ESRRG: variants seen among roughly 807,000 people sequenced by gnomAD.
ESRRG encodes the protein estrogen related receptor gamma, also known as estrogen-related receptor gamma.
A neutral mutation model predicts 44.0 loss-of-function variants in ESRRG; 13 were observed. That is an observed-to-expected ratio of 0.30 (90% CI 0.19 to 0.47). The LOEUF is 0.47. ESRRG is among the 20% of genes least tolerant of loss of function. ESRRG has a pLI of 1.00. For synonymous variants in ESRRG, 215 were observed against 214.6 expected (o/e 1.00, Z -0.02); for missense variants, 395 against 580.6 (o/e 0.68, Z 3.29).
chr1:216,725,805 G>T (rs951892567), upstream of ESRRG, among the ~76,000 whole-genome samples: 3 of 152,102 alleles, frequency 2.0e-5, no homozygotes, highest in African/African-American at 4.8e-5. Flanking sequence ...CTCAAAGAAT[G>T]CATTCCGATT....
At chr1:216,609,036 CTCTACAA>C (rs1424499848) in intron 3 of ESRRG, among the ~76,000 whole-genome samples, 1 of 152,148 alleles carries the variant, frequency 6.6e-6, no homozygotes, top group Non-Finnish European at 1.5e-5. Flanking sequence ...CTCTTTTGTA[CTCTACAA>C]TCTCCAATGA....
chr1:217,107,868 C>T (rs2092616884), intron 1 of ESRRG, among the ~76,000 whole-genome samples: 1 of 151,998 alleles, frequency 6.6e-6, no homozygotes, highest in Non-Finnish European at 1.5e-5. Context: ...AAAATACAAC[C>T]TTTTCCTTTG....
rs529943912 is a variant in ESRRG, at chr1:217,075,128, G to A, written c.-106+14379C>T. 4.6e-5 allele frequency among the ~76,000 whole-genome samples: 7 copies of A among 152,212 alleles called. No individual in the cohort carries two copies. The South Asian group carries it at 1.2e-3, about 27-fold the overall frequency. ...GCCCACAAACACTGTAGTTTTGATC[G>A]GTGTTAGGTTGTAAAAAAATCTACC... On this transcript the variant is annotated intron_variant, in intron 1 of 7. Coordinates refer to the ESRRG transcript ENST00000359162.
At chr1:216,950,449 A>G (rs2066768324) in intron 1 of ESRRG, among the ~76,000 whole-genome samples, 1 of 152,186 alleles carries the variant, frequency 6.6e-6, no homozygotes, top group Non-Finnish European at 1.5e-5. Context: ...AGTAAAGGAG[A>G]GTGTATCTGG....
intron 1 of ESRRG, among the ~76,000 whole-genome samples, chr1:217,134,084 G>A (rs1165249662): frequency 6.6e-6 from 1 of 152,150 alleles, no homozygotes; most frequent in Non-Finnish European, 1.5e-5. Context: ...GCAGCTCCGG[G>A]CCAGATGCGG....
chr1:217,049,901 G>A (rs2085591389), intron 1 of ESRRG, among the ~76,000 whole-genome samples: 1 of 152,166 alleles, frequency 6.6e-6, no homozygotes, highest in South Asian at 2.1e-4. Context: ...GCTCCCATTT[G>A]GGAAGACTGG....
At chr1:216,607,922 A>G (rs1176889804) in intron 3 of ESRRG, among the ~76,000 whole-genome samples, 1 of 152,214 alleles carries the variant, frequency 6.6e-6, no homozygotes, top group African/African-American at 2.4e-5. Context: ...CCAAAGCATT[A>G]TTTCTCCTAG....
chr1:216,684,814 A>T (rs561623760), intron 1 of ESRRG, among the ~76,000 whole-genome samples: 2 of 152,364 alleles, frequency 1.3e-5, no homozygotes, highest in South Asian at 4.1e-4. Flanking sequence ...TAGGGGGGAA[A>T]TACCATTTAG....
At chr1:217,045,856 T>C (rs968135427) in intron 1 of ESRRG, among the ~76,000 whole-genome samples, 1 of 152,340 alleles carries the variant, frequency 6.6e-6, no homozygotes, top group African/African-American at 2.4e-5. Context: ...ATGTTTCTTT[T>C]GAAATATGTA....
rs940028280 is a variant in ESRRG at position 217,003,262 on chromosome 1, T to C, written c.-105-63589A>G. ...CTTTGAAGTCAGAAAAAAGTGGATA[T>C]GAATAATGGCCATACTTAATAGCTT... On this transcript the variant is annotated intron_variant, in intron 1 of 7. Coordinates refer to the ESRRG transcript ENST00000359162. 3.9e-5 allele frequency among the ~76,000 whole-genome samples: 6 copies of C among 152,176 alleles called. No homozygotes were observed. The East Asian group carries it at 7.7e-4, about 20-fold the overall frequency.
chr1:216,848,894 T>C (rs1266195694), intron 2 of ESRRG, among the ~76,000 whole-genome samples: 1 of 152,096 alleles, frequency 6.6e-6, no homozygotes, highest in Non-Finnish European at 1.5e-5. Flanking sequence ...GTTTTACTAA[T>C]ATTGTCCTTC....
At chr1:216,642,509 A>C (rs1309344850) in intron 3 of ESRRG, among the ~76,000 whole-genome samples, 2 of 152,132 alleles carry the variant, frequency 1.3e-5, no homozygotes, top group African/African-American at 2.4e-5. Flanking sequence ...CGAAGCTCAC[A>C]GAGAAGGTGC....
intron 2 of ESRRG, among the ~76,000 whole-genome samples, chr1:216,934,060 G>C (rs1357163418): frequency 3.3e-5 from 5 of 152,268 alleles, no homozygotes; most frequent in Middle Eastern, 3.4e-3. Context: ...TGACTATTTT[G>C]TGTATCATCC....
chr1:216,899,481 G>A (rs775149257), intron 2 of ESRRG, among the ~76,000 whole-genome samples: 2 of 152,094 alleles, frequency 1.3e-5, no homozygotes, highest in Non-Finnish European at 2.9e-5. Flanking sequence ...CTGAAGATGA[G>A]GAAGAGAAAT....
chr1:216,591,677 A>C (rs1483220934), intron 3 of ESRRG, among the ~76,000 whole-genome samples: 2 of 152,198 alleles, frequency 1.3e-5, no homozygotes, highest in East Asian at 3.9e-4. Flanking sequence ...CCAGAAAAGT[A>C]AGAAAATGAA....
At chr1:217,055,186 T>C (rs2086836582) in intron 1 of ESRRG, among the ~76,000 whole-genome samples, 1 of 151,962 alleles carries the variant, frequency 6.6e-6, no homozygotes, top group Non-Finnish European at 1.5e-5. Context: ...CATGATGAGG[T>C]TTAGAATCCT....
At chr1:217,035,347 G>A (rs928240876) in intron 1 of ESRRG, among the ~76,000 whole-genome samples, 6 of 146,686 alleles carry the variant, frequency 4.1e-5, no homozygotes, top group African/African-American at 1.5e-4. Flanking sequence ...AAAAAGTGGT[G>A]AGCCAAGTAC....
At chr1:216,969,441 G>A (rs979193343) in intron 1 of ESRRG, among the ~76,000 whole-genome samples, 1 of 151,362 alleles carries the variant, frequency 6.6e-6, no homozygotes, top group African/African-American at 2.4e-5. Context: ...ATAAAAAATA[G>A]GTAAACCTAT....
At chr1:216,756,194 T>C (rs2092434734) in intron 2 of ESRRG, among the ~76,000 whole-genome samples, 1 of 152,004 alleles carries the variant, frequency 6.6e-6, no homozygotes, top group African/African-American at 2.4e-5. Context: ...GCCCTGGCAT[T>C]CAATAAAATC....
Sources: gnomAD v4.1 joint callset for allele counts (sites outside exome capture counted in the v4.1 genomes callset) on GRCh38, gnomAD v4.1.1 for gene constraint, MANE v1.5 for transcripts, NCBI Gene and HGNC (gene_info 2026-07-23, HGNC 2026-07-21) for gene names.